Variants in POU2F1 observed in about 807,000 individuals in gnomAD.
POU2F1 encodes the protein POU class 2 homeobox 1.
A neutral mutation model predicts 84.9 loss-of-function variants in POU2F1; 16 were observed. The observed-to-expected ratio is 0.19, with a 90% CI of 0.13 to 0.29. The LOEUF (loss-of-function observed/expected upper bound fraction) is 0.29, where lower values mean the gene tolerates loss of function less well. Ranked by LOEUF, POU2F1 falls within the 10% of genes least tolerant of loss-of-function variation. The probability of loss-of-function intolerance (pLI) is 1.00; values close to 1 mark genes in which losing one functional copy is unlikely to be tolerated. For synonymous variants in POU2F1, 368 were observed against 368.3 expected, an observed-to-expected ratio of 1.00 and a Z score of 0.01; for missense variants, 738 against 942.6, an observed-to-expected ratio of 0.78 and a Z score of 2.84.
intron 1 of POU2F1, among the ~76,000 whole-genome samples, chr1:167,232,244 C>G (rs939445123): frequency 6.6e-6 from 1 of 152,172 alleles, no homozygotes; most frequent in African/African-American, 2.4e-5. Flanking sequence ...AATCACGTAC[C>G]GCATAATGAC....
At chr1:167,382,683 T>C (rs1647654910) in intron 7 of POU2F1, among the ~76,000 whole-genome samples, 1 of 152,204 alleles carries the variant, frequency 6.6e-6, no homozygotes, top group Admixed American at 6.5e-5. Flanking sequence ...AAGAAATGTT[T>C]GTAGTAATAT....
At chr1:167,242,963 G>A (rs763325142) in intron 1 of POU2F1, among the ~76,000 whole-genome samples, 11 of 141,694 alleles carry the variant, frequency 7.8e-5, no homozygotes, top group Admixed American at 2.9e-4. Flanking sequence ...TCTCTCCCCC[G>A]CTTTCTTTCT....
intron 1 of POU2F1, among the ~76,000 whole-genome samples, chr1:167,252,483 C>A (rs189864372): frequency 6.6e-6 from 1 of 152,144 alleles, no homozygotes; most frequent in African/African-American, 2.4e-5. Context: ...AGATTACATG[C>A]GTGAGCCACC....
intron 1 of POU2F1, among the ~76,000 whole-genome samples, chr1:167,233,534 A>T (rs1450755489): frequency 6.6e-6 from 1 of 152,220 alleles, no homozygotes; most frequent in Non-Finnish European, 1.5e-5. Context: ...GTCTAGGAGC[A>T]ACAGGCTATA....
At chr1:167,300,766 TATTTTTA>T (rs1654633375) in intron 1 of POU2F1, among the ~76,000 whole-genome samples, 1 of 151,256 alleles carries the variant, frequency 6.6e-6, no homozygotes, top group African/African-American at 2.4e-5. Context: ...CCCAGCCTCT[TATTTTTA>T]TTTTTTATTT....
chr1:167,228,335 A>C (rs1648794329), intron 1 of POU2F1, among the ~76,000 whole-genome samples: 1 of 152,232 alleles, frequency 6.6e-6, no homozygotes, highest in Non-Finnish European at 1.5e-5. Flanking sequence ...CATAGAAACC[A>C]GTGTATAGAG....
chr1:167,355,616 A>G (rs891140818), intron 2 of POU2F1, among the ~76,000 whole-genome samples: 38 of 152,278 alleles, frequency 2.5e-4, no homozygotes, highest in African/African-American at 8.9e-4. Flanking sequence ...GAGAACTGAC[A>G]TTTTTACAAT....
rs911191166 is a variant in POU2F1 at position 167,417,150 on chromosome 1, A to G, written c.*1340A>G. 6.6e-6 allele frequency: 1 copy of G among 152,250 alleles called. No individual in the cohort carries two copies. The highest frequency in any genetic ancestry group is 2.4e-5 in the African/African-American group (1 of 41,464). 9.4% of individuals were successfully genotyped at this position (152,250 alleles called of 1,614,324 possible). ...TTACCACCTTTTCCTCTAGAGAGCC[A>G]CAGACTTCCTTTCCACTGGATGGTT... On this transcript the variant is annotated 3_prime_UTR_variant, in exon 16 of 16. Transcript: ENST00000367866.
rs1365711966 is a variant in POU2F1 at position 167,330,566 on chromosome 1, TAGTA to T, written c.62-1899_62-1896del. 5.3e-5 allele frequency among the ~76,000 whole-genome samples: 8 copies of T among 152,308 alleles called. No individual in the cohort carries two copies. In the South Asian group the frequency reaches 8.3e-4, roughly 16 times the overall value. ...AATTACATCTCTTACTTTCAGTTAA[TAGTA>T]AGTATTATTTAAACAGTCTTCCCAT... On this transcript the variant is annotated intron_variant, in intron 1 of 15. Coordinates refer to ENST00000367866, the MANE Select transcript of POU2F1 (RefSeq NM_002697.4).
chr1:167,410,178 G>A (rs1649855080), intron 13 of POU2F1, among the ~76,000 whole-genome samples: 1 of 152,196 alleles, frequency 6.6e-6, no homozygotes, highest in Non-Finnish European at 1.5e-5. Flanking sequence ...CAGAAGGGTA[G>A]ACAGAGGAAG....
chr1:167,242,157 T>G (rs2102375033), intron 1 of POU2F1, among the ~76,000 whole-genome samples: 1 of 152,324 alleles, frequency 6.6e-6, no homozygotes, highest in South Asian at 2.1e-4. Context: ...TTTACACTTT[T>G]ATTAAGTAAT....
chr1:167,371,872 A>G, intron 4 of POU2F1, 45 bp from the exon 5 acceptor site: 2 of 1,610,702 alleles, frequency 1.2e-6, no homozygotes, highest in South Asian at 2.2e-5. Flanking sequence ...CATTTCTTTT[A>G]ATCAACCATT....
chr1:167,412,408 C>A, intron 14 of POU2F1, 104 bp downstream of exon 14: 2 of 1,020,428 alleles, frequency 2.0e-6, no homozygotes, highest in Non-Finnish European at 1.4e-6. Flanking sequence ...AAAAAAATGT[C>A]TTTAAAGCAG....
intron 1 of POU2F1, among the ~76,000 whole-genome samples, chr1:167,265,485 T>C (rs1175618462): frequency 6.6e-6 from 1 of 152,242 alleles, no homozygotes; most frequent in Non-Finnish European, 1.5e-5. Context: ...GCAATGTAGA[T>C]GGCTGCCAAA....
intron 1 of POU2F1, among the ~76,000 whole-genome samples, chr1:167,319,716 C>A (rs1216797109): frequency 6.6e-6 from 1 of 151,572 alleles, no homozygotes; most frequent in Non-Finnish European, 1.5e-5. Flanking sequence ...TGGCATGTAG[C>A]CCAGACAAAG....
At chr1:167,230,451 G>A (rs1310591812) in intron 1 of POU2F1, among the ~76,000 whole-genome samples, 5 of 152,074 alleles carry the variant, frequency 3.3e-5, no homozygotes, top group African/African-American at 1.2e-4. Context: ...AGGCAAAAGT[G>A]GAGCTGTTCT....
chr1:167,373,431 T>A (rs1378083181), intron 5 of POU2F1, among the ~76,000 whole-genome samples: 1 of 152,220 alleles, frequency 6.6e-6, no homozygotes, highest in East Asian at 1.9e-4. Flanking sequence ...CTAGGTTCCT[T>A]TGGCTGGAGC....
chr1:167,343,428 G>A (rs1245460677), intron 2 of POU2F1, among the ~76,000 whole-genome samples: 1 of 151,980 alleles, frequency 6.6e-6, no homozygotes, highest in Non-Finnish European at 1.5e-5. Context: ...TTCTCCCTTA[G>A]AGAGCAGCTT....
At chr1:167,324,725 G>A (rs1039416838) in intron 1 of POU2F1, among the ~76,000 whole-genome samples, 1 of 152,130 alleles carries the variant, frequency 6.6e-6, no homozygotes, top group Non-Finnish European at 1.5e-5. Context: ...CTAGGCCTCA[G>A]TTTACTTTTT....
Sources: gnomAD v4.1 joint callset for allele counts (sites outside exome capture counted in the v4.1 genomes callset) on GRCh38, gnomAD v4.1.1 for gene constraint, MANE v1.5 for transcripts, NCBI Gene and HGNC (gene_info 2026-07-23, HGNC 2026-07-21) for gene names.